Variants in ANKRD31 observed in about 807,000 individuals in gnomAD.
ANKRD31 encodes the protein ankyrin repeat domain-containing protein 31.
In ANKRD31, 147 loss-of-function variants were observed where a neutral mutation model predicts 186.0. The ratio of observed to expected loss-of-function variants is 0.79; its 90% CI spans 0.69 to 0.91. ANKRD31 has a LOEUF of 0.91. ANKRD31 is among the 40% of genes least tolerant of loss of function. The pLI is 0.00. For synonymous variants in ANKRD31, 673 were observed against 736.4 expected (o/e 0.91, Z 1.39); for missense variants, 1,986 against 2,148.8 (o/e 0.92, Z 1.50).
chr5:75,194,542 A>G (rs181551518), intron 7 of ANKRD31, among the ~76,000 whole-genome samples: 65 of 152,294 alleles, frequency 4.3e-4, no homozygotes, highest in Middle Eastern at 3.4e-3. Flanking sequence ...ATTTTGTTAC[A>G]TAAATCTTCA....
chr5:75,222,400 T>A, intron 2 of ANKRD31, 42 bp from the exon 3 acceptor site: 4 of 1,388,222 alleles, frequency 2.9e-6, no homozygotes, highest in Non-Finnish European at 2.9e-6. Context: ...AACAGTTTTA[T>A]TGCTCTGCTT....
At chr5:75,217,275 C>T (rs1757016202) in intron 3 of ANKRD31, among the ~76,000 whole-genome samples, 1 of 152,114 alleles carries the variant, frequency 6.6e-6, no homozygotes, top group Admixed American at 6.6e-5. Flanking sequence ...TCCTGAATCT[C>T]TTTGTTAATT....
chr5:75,191,770 ATTAG>A (rs1755133096), intron 9 of ANKRD31, among the ~76,000 whole-genome samples: 1 of 152,030 alleles, frequency 6.6e-6, no homozygotes, highest in Admixed American at 6.6e-5. Flanking sequence ...TACGTTTCTT[ATTAG>A]TTATAAAAGT....
chr5:75,195,211 T>C (rs1001280395), intron 7 of ANKRD31, among the ~76,000 whole-genome samples: 10 of 152,188 alleles, frequency 6.6e-5, no homozygotes, highest in African/African-American at 1.9e-4. Flanking sequence ...AAAATGTAAA[T>C]TAATGTGGGG....
chr5:75,133,811 CT>C (rs1031926922), intron 17 of ANKRD31, among the ~76,000 whole-genome samples: 3 of 152,170 alleles, frequency 2.0e-5, no homozygotes, highest in African/African-American at 7.2e-5. Context: ...TTATAACAAA[CT>C]GTCTCTCAGA....
Position 75,173,818 on chromosome 5 carries a change from T to C in ANKRD31, c.1565-4697A>G, listed in dbSNP as rs144316769. Among the ~76,000 whole-genome samples, 217 of 152,230 alleles carry C rather than the reference T, an allele frequency of 1.4e-3. 1 individual carries two copies. The highest frequency in any genetic ancestry group is 4.8e-3 in the African/African-American group (198 of 41,550). On this transcript the variant is annotated intron_variant, in intron 10 of 25. Transcript: ENST00000506364. ...TGGCCATACTGCCCAAGGTAATTTA[T>C]AGATTGAATGCCATCCCCACCAAGC...
chr5:75,109,868 C>G (rs768451097), intron 20 of ANKRD31, among the ~76,000 whole-genome samples: 2 of 151,974 alleles, frequency 1.3e-5, no homozygotes, highest in Non-Finnish European at 2.9e-5. Flanking sequence ...TGAGAGGGCA[C>G]AGGGAAAGGG....
In ANKRD31 at chr5:75,068,496, T is replaced by G. The variant is rs942775981; in HGVS notation, c.*23A>C. 6.9e-7 allele frequency: 1 copy of G among 1,450,872 alleles called. No individual in the cohort carries two copies. The highest frequency in any genetic ancestry group is 9.0e-7 in the Non-Finnish European group (1 of 1,107,468). The allele number at this position is 1,450,872 out of a possible 1,614,324, so 89.9% of individuals were successfully genotyped here. A position where few individuals can be genotyped will look rare whatever the true frequency, so the allele number is the denominator to read the frequency against. On this transcript the variant is annotated 3_prime_UTR_variant, in exon 26 of 26. Transcript: ENST00000506364. ...GTTGGTAATTTGAACAAATATCCAA[T>G]AAAATATTAAGAAACCAAGGTTTTA...
At chr5:75,129,195 A>G (rs1433185473) in intron 17 of ANKRD31, among the ~76,000 whole-genome samples, 1 of 152,146 alleles carries the variant, frequency 6.6e-6, no homozygotes, top group African/African-American at 2.4e-5. Flanking sequence ...CACCATGTGA[A>G]TAAGTGCCTA....
intron 11 of ANKRD31, among the ~76,000 whole-genome samples, chr5:75,161,898 G>A (rs867294681): frequency 2.6e-5 from 4 of 152,228 alleles, no homozygotes; most frequent in Non-Finnish European, 4.4e-5. Flanking sequence ...AAGAATTGGG[G>A]TTTGGGAACC....
At chr5:75,214,919 C>T (rs1385894204) in intron 3 of ANKRD31, among the ~76,000 whole-genome samples, 1 of 152,160 alleles carries the variant, frequency 6.6e-6, no homozygotes, top group Non-Finnish European at 1.5e-5. Flanking sequence ...TCCAGAGAAA[C>T]AGAACCAATG....
At chr5:75,085,602 A>G (rs1745425494) in intron 23 of ANKRD31, among the ~76,000 whole-genome samples, 1 of 152,118 alleles carries the variant, frequency 6.6e-6, no homozygotes, top group African/African-American at 2.4e-5. Flanking sequence ...GGGTTTTGCC[A>G]TGTTGGCCAG....
chr5:75,077,811 G>A (rs560505329), intron 25 of ANKRD31, among the ~76,000 whole-genome samples: 1 of 152,018 alleles, frequency 6.6e-6, no homozygotes, highest in Non-Finnish European at 1.5e-5. Flanking sequence ...TGTAGTCCCA[G>A]CTACTCGGGA....
chr5:75,138,550 A>G (rs1750779486), intron 16 of ANKRD31, among the ~76,000 whole-genome samples: 1 of 152,200 alleles, frequency 6.6e-6, no homozygotes, highest in Non-Finnish European at 1.5e-5. Flanking sequence ...ATTCTCATCA[A>G]AGTTACAGGA....
At chr5:75,212,375 G>A (rs575507335) in intron 3 of ANKRD31, among the ~76,000 whole-genome samples, 1 of 152,120 alleles carries the variant, frequency 6.6e-6, no homozygotes. Context: ...CACTTTGGGA[G>A]GTCAACATAG....
At chr5:75,133,937 G>T (rs9719324) in intron 17 of ANKRD31, among the ~76,000 whole-genome samples, 1 of 152,018 alleles carries the variant, frequency 6.6e-6, no homozygotes, top group East Asian at 1.9e-4. Flanking sequence ...ACGAAATGAA[G>T]GCAGAAATAA....
intron 10 of ANKRD31, among the ~76,000 whole-genome samples, chr5:75,171,511 C>A (rs760797688): frequency 1.3e-5 from 2 of 151,266 alleles, no homozygotes; most frequent in African/African-American, 4.9e-5. Context: ...TTATATTAGG[C>A]AAAAAGGTAC....
intron 19 of ANKRD31, among the ~76,000 whole-genome samples, chr5:75,113,153 C>T (rs753405465): frequency 1.3e-5 from 2 of 152,158 alleles, no homozygotes; most frequent in African/African-American, 4.8e-5. Flanking sequence ...GAGAGAGAAT[C>T]GTGGAGTGGG....
chr5:75,143,874 C>A, intron 15 of ANKRD31, 127 bp downstream of exon 15: 1 of 391,164 alleles, frequency 2.6e-6, no homozygotes, highest in Non-Finnish European at 4.5e-6. Flanking sequence ...CTGAAATAGT[C>A]ATATAAGTCA....
Sources: gnomAD v4.1 joint callset for allele counts (sites outside exome capture counted in the v4.1 genomes callset) on GRCh38, gnomAD v4.1.1 for gene constraint, MANE v1.5 for transcripts, NCBI Gene and HGNC (gene_info 2026-07-23, HGNC 2026-07-21) for gene names.